Variants in RAB30 observed in about 807,000 individuals in gnomAD.
RAB30 encodes RAB30, member RAS oncogene family.
A neutral mutation model predicts 25.1 loss-of-function variants in RAB30; 9 were observed. That is an observed-to-expected ratio of 0.36 (90% CI 0.22 to 0.63). The LOEUF (loss-of-function observed/expected upper bound fraction) is 0.63, where lower values mean the gene tolerates loss of function less well. RAB30 is among the 20% of genes least tolerant of loss of function. The pLI is 0.69. For synonymous variants in RAB30, 77 were observed against 86.4 expected (o/e 0.89, Z 0.60); for missense variants, 140 against 243.5 (o/e 0.58, Z 2.83).
In RAB30 at chr11:82,982,128, C is replaced by A; in HGVS notation, c.*37G>T. The A allele has an allele frequency of 6.2e-7, 1 of 1,612,266 alleles. No individual in the cohort carries two copies. The highest frequency in any genetic ancestry group is 1.7e-5 in the Admixed American group (1 of 59,976). ...CCCAGCATCTCATGGCCCATCAGGG[C>A]AGTTGCTGATTCCTTTTCTTCTCCG... On this transcript the variant is annotated 3_prime_UTR_variant, in exon 5 of 5. Coordinates refer to ENST00000527633, the MANE Select transcript of RAB30 (RefSeq NM_001286060.2).
At chr11:83,040,771 A>T (rs1325162193) in intron 1 of RAB30, 1 of 153,726 alleles carries the variant, frequency 6.5e-6, no homozygotes, top group Non-Finnish European at 1.5e-5. Context: ...GGTGGGCATT[A>T]GGAGGGAGCA....
intron 1 of RAB30, among the ~76,000 whole-genome samples, chr11:83,012,333 ATGTCAT>A (rs772881905): frequency 9.9e-5 from 15 of 152,156 alleles, no homozygotes; most frequent in Non-Finnish European, 1.9e-4. Context: ...TAATCTAATC[ATGTCAT>A]TCCCACACTT....
At position 82,979,213 on chromosome 11, in the gene RAB30, C is replaced by G. The variant is rs781704997; in HGVS notation, c.*2952G>C. On this transcript the variant is annotated 3_prime_UTR_variant, in exon 5 of 5. Coordinates refer to ENST00000527633, the MANE Select transcript of RAB30 (RefSeq NM_001286060.2). Reference sequence around the variant, plus strand: ...CAAACTATTATTTCATAGATTTTCCCAAGCCTGACTCCATGACATGAGTAT... The same window carrying G: ...CAAACTATTATTTCATAGATTTTCCGAAGCCTGACTCCATGACATGAGTAT... 1 of 152,122 alleles carries G rather than the reference C, an allele frequency of 6.6e-6. No individual in the cohort carries two copies. The highest frequency in any genetic ancestry group is 1.5e-5 in the Non-Finnish European group (1 of 68,026). The allele number at this position is 152,122 out of a possible 1,614,324, so 9.4% of individuals were successfully genotyped here. A position where few individuals can be genotyped will look rare whatever the true frequency, so the allele number is the denominator to read the frequency against.
At chr11:83,018,297 CAAAA>C (rs904843218) in intron 1 of RAB30, among the ~76,000 whole-genome samples, 51 of 68,556 alleles carry the variant, frequency 7.4e-4, no homozygotes, top group African/African-American at 2.0e-3. Flanking sequence ...GACTCCATCT[CAAAA>C]AAAAAAAAAA....
Position 82,974,529 on chromosome 11 carries a change from T to C in RAB30, c.*7636A>G, listed in dbSNP as rs1856508159. ...CATTTAAAATCAAGTACTATTCTTA[T>C]ATTGAAGTTGGTTAGATTTTATATA... is the stretch of plus-strand genomic sequence containing the variant. On this transcript the variant is annotated 3_prime_UTR_variant, in exon 5 of 5. Transcript: ENST00000527633. 1 of 152,200 alleles carries C rather than the reference T, an allele frequency of 6.6e-6. No individual in the cohort carries two copies. Among genetic ancestry groups the C allele is most frequent in the Non-Finnish European group, 1.5e-5 (1 of 68,028 alleles). The allele number at this position is 152,200 out of a possible 1,614,324, so 9.4% of individuals were successfully genotyped here. A position where few individuals can be genotyped will look rare whatever the true frequency, so the allele number is the denominator to read the frequency against.
intron 1 of RAB30, among the ~76,000 whole-genome samples, chr11:83,064,269 A>G (rs1858645321): frequency 6.6e-6 from 1 of 152,104 alleles, no homozygotes; most frequent in Non-Finnish European, 1.5e-5. Flanking sequence ...AAAAAATACA[A>G]AAATATCTTC....
chr11:83,023,102 T>C (rs1341238243), intron 1 of RAB30, among the ~76,000 whole-genome samples: 1 of 152,190 alleles, frequency 6.6e-6, no homozygotes, highest in African/African-American at 2.4e-5. Flanking sequence ...ATTCTCAGTA[T>C]GATTAAAATT....
Position 82,975,944 on chromosome 11 carries a change from T to C in RAB30, c.*6221A>G, listed in dbSNP as rs969570087. 6 of 152,138 alleles carry C rather than the reference T, an allele frequency of 3.9e-5. No individual in the cohort carries two copies. Among genetic ancestry groups the C allele is most frequent in the Non-Finnish European group, 7.4e-5 (5 of 68,012 alleles). 9.4% of individuals were successfully genotyped at this position (152,138 alleles called of 1,614,324 possible). On this transcript the variant is annotated 3_prime_UTR_variant, in exon 5 of 5. Coordinates refer to ENST00000527633, the MANE Select transcript of RAB30 (RefSeq NM_001286060.2). ...AACCCAGTTTTCTTCCCATGAAGAATAGGAACAAGAAGAAAGAGGTTTAAA... is the reference window on the plus strand; with the variant it reads ...AACCCAGTTTTCTTCCCATGAAGAACAGGAACAAGAAGAAAGAGGTTTAAA...
At chr11:83,007,935 A>G (rs1459544267) in intron 1 of RAB30, among the ~76,000 whole-genome samples, 1 of 152,246 alleles carries the variant, frequency 6.6e-6, no homozygotes. Flanking sequence ...CTTCTGCACA[A>G]GCAGGTGGGG....
At chr11:82,985,018 C>G (rs939971093) in intron 4 of RAB30, among the ~76,000 whole-genome samples, 1 of 152,196 alleles carries the variant, frequency 6.6e-6, no homozygotes, top group Non-Finnish European at 1.5e-5. Flanking sequence ...CGCTCTGTTG[C>G]CCAGGCTGGA....
chr11:83,026,652 T>C (rs1203735845), intron 1 of RAB30, among the ~76,000 whole-genome samples: 2 of 152,166 alleles, frequency 1.3e-5, no homozygotes, highest in African/African-American at 4.8e-5. Context: ...GCTTCAAGTA[T>C]TTCTTTGTAG....
Position 82,975,075 on chromosome 11 carries a change from G to C in RAB30, c.*7090C>G, listed in dbSNP as rs918844386. ...GTATGTCTGGAAGACACTTCAGTGA[G>C]TAGAAATTAGAAGCCAGCATTTGAA... On this transcript the variant is annotated 3_prime_UTR_variant, in exon 5 of 5. Transcript: ENST00000527633. 2 of 151,770 alleles carry C rather than the reference G, an allele frequency of 1.3e-5. No homozygotes were observed. Among genetic ancestry groups the C allele is most frequent in the Non-Finnish European group, 2.9e-5 (2 of 67,910 alleles). 9.4% of individuals were successfully genotyped at this position (151,770 alleles called of 1,614,324 possible).
intron 1 of RAB30, among the ~76,000 whole-genome samples, chr11:83,038,410 C>T (rs1246889858): frequency 6.6e-6 from 1 of 152,160 alleles, no homozygotes; most frequent in African/African-American, 2.4e-5. Flanking sequence ...TGTCCTCTGG[C>T]AAATTATTTA....
At position 82,982,139 on chromosome 11, in the gene RAB30, T is replaced by G. The variant is rs759844300; in HGVS notation, c.*26A>C. The G allele has an allele frequency of 2.4e-5, 39 of 1,613,264 alleles. No homozygotes were observed. The highest frequency in any genetic ancestry group is 2.8e-5 in the Non-Finnish European group (33 of 1,179,414). ...ATGGCCCATCAGGGCAGTTGCTGAT[T>G]CCTTTTCTTCTCCGTGCCTCAGCCT... On this transcript the variant is annotated 3_prime_UTR_variant, in exon 5 of 5. Transcript: ENST00000527633.
At position 82,975,976 on chromosome 11, in the gene RAB30, T is replaced by G. The variant is rs1419972153; in HGVS notation, c.*6189A>C. 1 of 152,190 alleles carries G rather than the reference T, an allele frequency of 6.6e-6. No individual in the cohort carries two copies. Among genetic ancestry groups the G allele is most frequent in the Non-Finnish European group, 1.5e-5 (1 of 68,014 alleles). 9.4% of individuals were successfully genotyped at this position (152,190 alleles called of 1,614,324 possible). On this transcript the variant is annotated 3_prime_UTR_variant, in exon 5 of 5. Transcript: ENST00000527633. ...AAGAAGAAAGAGGTTTAAATTGCTCTGTGAGGTATTTCAGTTCTAAGATTA... is the reference window on the plus strand; with the variant it reads ...AAGAAGAAAGAGGTTTAAATTGCTCGGTGAGGTATTTCAGTTCTAAGATTA...
At chr11:83,045,413 G>T (rs978206380) in intron 1 of RAB30, among the ~76,000 whole-genome samples, 1 of 152,110 alleles carries the variant, frequency 6.6e-6, no homozygotes, top group Non-Finnish European at 1.5e-5. Context: ...TTACAGGCAT[G>T]AGCTACCACA....
At chr11:83,001,363 G>C (rs1857081545) in intron 1 of RAB30, among the ~76,000 whole-genome samples, 2 of 151,982 alleles carry the variant, frequency 1.3e-5, no homozygotes, top group African/African-American at 4.8e-5. Flanking sequence ...TTTTTTTGTA[G>C]AGACAGGGTC....
intron 1 of RAB30, among the ~76,000 whole-genome samples, chr11:83,046,487 A>G (rs929039812): frequency 1.3e-5 from 2 of 152,038 alleles, no homozygotes; most frequent in Non-Finnish European, 2.9e-5. Context: ...CCAGCTTAGA[A>G]TAATTTTTAC....
intron 1 of RAB30, among the ~76,000 whole-genome samples, chr11:83,029,808 T>C (rs562419077): frequency 2.2e-4 from 34 of 152,136 alleles, no homozygotes; most frequent in African/African-American, 8.0e-4. Flanking sequence ...CATCAACCAA[T>C]GAGTGGATAA....
Sources: allele counts gnomAD v4.1 joint callset (sites outside exome capture counted in the v4.1 genomes callset), GRCh38; gene constraint gnomAD v4.1.1; transcripts MANE v1.5; gene names NCBI Gene and HGNC (gene_info 2026-07-23, HGNC 2026-07-21).